S100A8: variants seen among roughly 807,000 people sequenced by gnomAD.
S100A8 encodes protein S100-A8.
Under a neutral mutation model 4.2 loss-of-function variants are expected in S100A8, and 1 was observed. That is an observed-to-expected ratio of 0.24 (90% CI 0.08 to 1.12). The LOEUF is 1.12. Ranked by LOEUF, S100A8 falls within the 50% of genes most tolerant of loss-of-function variation. S100A8 has a pLI of 0.53. For synonymous variants in S100A8, 41 were observed against 44.7 expected, an observed-to-expected ratio of 0.92 and a Z score of 0.33; for missense variants, 96 against 111.8, an observed-to-expected ratio of 0.86 and a Z score of 0.64.
chr1:153,390,317 G>C lies in S100A8; in HGVS notation c.142-74C>G, dbSNP rs1043089043. 16 of 1,602,682 alleles carry C rather than the reference G, an allele frequency of 1.0e-5. No individual in the cohort carries two copies. The South Asian group carries it at 1.3e-4, about 13-fold the overall frequency. On this transcript the variant is annotated intron_variant, in intron 2 of 2. Transcript: ENST00000368733. ...AGCCGAGGCATAGCCATCTATGAAG[G>C]GTGGCAGGGAGGACCGCTGGCCCAG...
At chr1:153,407,857 G>C in the S100A8 span, among the ~76,000 whole-genome samples, 1 of 152,170 alleles carries the variant, frequency 6.6e-6, no homozygotes, top group Non-Finnish European at 1.5e-5. Flanking sequence ...AGGCAAACAG[G>C]GTCTGGAGTG....
chr1:153,398,825 G>A, the S100A8 span, among the ~76,000 whole-genome samples: 2 of 152,212 alleles, frequency 1.3e-5, no homozygotes, highest in African/African-American at 2.4e-5. Flanking sequence ...AACCCAGAGA[G>A]GATAAGTAAT....
intron 2 of S100A8, 51 bp downstream of exon 2, chr1:153,390,344 G>T: frequency 1.2e-6 from 2 of 1,607,290 alleles, no homozygotes; most frequent in Non-Finnish European, 1.7e-6. Context: ...CTGGCCCAGG[G>T]CAGCCCCAGG....
At chr1:153,410,870 G>A in the S100A8 span, among the ~76,000 whole-genome samples, 2 of 152,220 alleles carry the variant, frequency 1.3e-5, no homozygotes, top group Non-Finnish European at 2.9e-5. Context: ...CAGAACCAAA[G>A]ATAAAATCCA....
the S100A8 span, chr1:153,422,165 G>A: frequency 6.6e-6 from 1 of 152,244 alleles, no homozygotes; most frequent in Non-Finnish European, 1.5e-5. Flanking sequence ...CACCAAGGTG[G>A]CTTATAGAAC....
At chr1:153,419,782 A>C in the S100A8 span, 1 of 156,688 alleles carries the variant, frequency 6.4e-6, no homozygotes, top group East Asian at 1.9e-4. Flanking sequence ...AACAGAAACC[A>C]CTCACATAGG....
the S100A8 span, among the ~76,000 whole-genome samples, chr1:153,417,040 G>C: frequency 6.6e-6 from 1 of 152,260 alleles, no homozygotes; most frequent in African/African-American, 2.4e-5. Flanking sequence ...CTCTGGCCTT[G>C]GCCTTGGCCT....
chr1:153,401,092 C>T, the S100A8 span, among the ~76,000 whole-genome samples: 2 of 152,216 alleles, frequency 1.3e-5, no homozygotes, highest in Non-Finnish European at 2.9e-5. Flanking sequence ...TGCACAGCTG[C>T]GCTGTAACTG....
At chr1:153,391,337 C>G (rs1662092770), upstream of S100A8, 1 of 289,490 alleles carries the variant, frequency 3.5e-6, no homozygotes, top group Non-Finnish European at 5.2e-6. Flanking sequence ...CTGGCATCCA[C>G]TTGCTTGATC....
chr1:153,417,975 T>A, the S100A8 span: 1 of 1,498,526 alleles, frequency 6.7e-7, no homozygotes, highest in Non-Finnish European at 9.0e-7. Context: ...TAGGGCTGTT[T>A]TTACTCTGTC....
At chr1:153,401,676 C>T in the S100A8 span, among the ~76,000 whole-genome samples, 1 of 152,174 alleles carries the variant, frequency 6.6e-6, no homozygotes, top group Non-Finnish European at 1.5e-5. Context: ...TGAAGCACCC[C>T]CATCCCCGCT....
chr1:153,410,455 C>T, the S100A8 span, among the ~76,000 whole-genome samples: 1 of 152,054 alleles, frequency 6.6e-6, no homozygotes, highest in Admixed American at 6.6e-5. Flanking sequence ...CTGAATAGAC[C>T]AATAACAGGT....
At chr1:153,416,754 C>A in the S100A8 span, among the ~76,000 whole-genome samples, 1 of 152,234 alleles carries the variant, frequency 6.6e-6, no homozygotes, top group East Asian at 1.9e-4. Flanking sequence ...GGTGGCTGAA[C>A]CAGACCTGTC....
chr1:153,422,558 T>TC, the S100A8 span: 2 of 984,836 alleles, frequency 2.0e-6, no homozygotes, highest in Non-Finnish European at 2.4e-6. Flanking sequence ...ATCCAAATGT[T>TC]CCCCAGAAAT....
At chr1:153,417,660 C>A in the S100A8 span, among the ~76,000 whole-genome samples, 1 of 152,184 alleles carries the variant, frequency 6.6e-6, no homozygotes, top group Non-Finnish European at 1.5e-5. Context: ...GTCCTGCCCC[C>A]GTGACTCTCA....
chr1:153,393,093 G>A (rs769015204), upstream of S100A8, among the ~76,000 whole-genome samples: 4 of 152,052 alleles, frequency 2.6e-5, no homozygotes, highest in Admixed American at 6.5e-5. Context: ...GTAATTCAGC[G>A]TATCAAATGA....
the S100A8 span, among the ~76,000 whole-genome samples, chr1:153,413,868 T>C: frequency 6.6e-6 from 1 of 151,924 alleles, no homozygotes; most frequent in South Asian, 2.1e-4. Context: ...ACCACTGCAC[T>C]CTAACCTGGG....
the S100A8 span, chr1:153,417,089 T>C: frequency 1.3e-5 from 2 of 152,372 alleles, no homozygotes; most frequent in Non-Finnish European, 2.9e-5. Flanking sequence ...CTTAGTCAGT[T>C]GCTGGCACGG....
chr1:153,411,833 C>G, the S100A8 span, among the ~76,000 whole-genome samples: 1 of 152,138 alleles, frequency 6.6e-6, no homozygotes, highest in Non-Finnish European at 1.5e-5. Context: ...TACCACACAA[C>G]TACAACCATC....
Sources: allele counts gnomAD v4.1 joint callset (sites outside exome capture counted in the v4.1 genomes callset), GRCh38; gene constraint gnomAD v4.1.1; transcripts MANE v1.5; gene names NCBI Gene and HGNC (gene_info 2026-07-23, HGNC 2026-07-21).